CSGALNACT1: variants seen among roughly 807,000 people sequenced by gnomAD.
CSGALNACT1 encodes chondroitin sulfate N-acetylgalactosaminyltransferase 1, also known as beta4GalNAcT-1.
CSGALNACT1 carries 52 observed loss-of-function variants against 51.0 expected under a neutral mutation model. The ratio of observed to expected loss-of-function variants is 1.02; its 90% CI spans 0.82 to 1.29. The LOEUF (loss-of-function observed/expected upper bound fraction) is 1.29, where lower values mean the gene tolerates loss of function less well. Among genes scored for constraint, CSGALNACT1 ranks in the 50% most tolerant of loss-of-function variants. The probability of loss-of-function intolerance (pLI) is 0.00; values close to 1 mark genes in which losing one functional copy is unlikely to be tolerated. For synonymous variants in CSGALNACT1, 341 were observed against 254.4 expected, an observed-to-expected ratio of 1.34 and a Z score of -3.24; for missense variants, 935 against 679.2, an observed-to-expected ratio of 1.38 and a Z score of -4.19.
intron 4 of CSGALNACT1, among the ~76,000 whole-genome samples, chr8:19,487,623 G>A (rs188484127): frequency 4.6e-5 from 7 of 152,246 alleles, no homozygotes; most frequent in Non-Finnish European, 7.4e-5. Flanking sequence ...TCCAACAGCC[G>A]AAAAGCCACC....
chr8:19,656,539 A>C (rs2058288439), intron 1 of CSGALNACT1, among the ~76,000 whole-genome samples: 1 of 150,898 alleles, frequency 6.6e-6, no homozygotes, highest in South Asian at 2.1e-4. Context: ...TAAAACACAC[A>C]CGTGTACGCG....
Position 19,735,396 on chromosome 8 carries a change from A to G in CSGALNACT1, c.-297+22454T>C, listed in dbSNP as rs188739518. 8.0e-4 allele frequency among the ~76,000 whole-genome samples: 122 copies of G among 152,290 alleles called. 2 individuals are homozygous for G. The highest frequency in any genetic ancestry group is 7.2e-3 in the Admixed American group (110 of 15,298). ...TCCTCTCTGAACAAATACACTTTAAATATAGGCCTCAAAAAATTCTCACAT... is the reference window on the plus strand; with the variant it reads ...TCCTCTCTGAACAAATACACTTTAAGTATAGGCCTCAAAAAATTCTCACAT... On this transcript the variant is annotated intron_variant, in intron 1 of 1. Coordinates refer to the CSGALNACT1 transcript ENST00000517494.
rs984556395 is a variant in CSGALNACT1 at position 19,588,082 on chromosome 8, T to C, written c.-297+3078A>G. 4 of 152,080 alleles carry C rather than the reference T, an allele frequency of 2.6e-5. No individual in the cohort carries two copies. The East Asian group carries it at 7.7e-4, about 29-fold the overall frequency. 9.4% of individuals were successfully genotyped at this position (152,080 alleles called of 1,614,324 possible). A position where few individuals can be genotyped will look rare whatever the true frequency, so the allele number is the denominator to read the frequency against. On this transcript the variant is annotated intron_variant, in intron 3 of 9. Coordinates refer to ENST00000454498, the Ensembl canonical transcript of CSGALNACT1. ...GATGCATGCCTACAGTCCCAGCTAC[T>C]TGGGAGACTGAGGCAGGACAATTGC...
chr8:19,715,974 A>T, intron 1 of CSGALNACT1, among the ~76,000 whole-genome samples: 1 of 152,192 alleles, frequency 6.6e-6, no homozygotes, highest in South Asian at 2.1e-4. Flanking sequence ...TCTTTCCTGC[A>T]TATTACTTGT....
chr8:19,737,362 C>T (rs1165372893), intron 1 of CSGALNACT1, among the ~76,000 whole-genome samples: 1 of 152,002 alleles, frequency 6.6e-6, no homozygotes, highest in Non-Finnish European at 1.5e-5. Flanking sequence ...CCATTTAGTA[C>T]AATAGCAATA....
chr8:19,609,271 T>C (rs923408643), intron 1 of CSGALNACT1, among the ~76,000 whole-genome samples: 1 of 150,242 alleles, frequency 6.7e-6, no homozygotes, highest in African/African-American at 2.5e-5. Flanking sequence ...ATAGATGTCA[T>C]TTAAAAAGAT....
At chr8:19,667,931 A>G (rs1257719927) in intron 1 of CSGALNACT1, among the ~76,000 whole-genome samples, 1 of 152,238 alleles carries the variant, frequency 6.6e-6, no homozygotes, top group African/African-American at 2.4e-5. Flanking sequence ...AAGAAGAAAT[A>G]GAATTAAAGC....
intron 1 of CSGALNACT1, among the ~76,000 whole-genome samples, chr8:19,675,691 A>ACT (rs2060125285): frequency 6.6e-6 from 1 of 152,036 alleles, no homozygotes; most frequent in Admixed American, 6.6e-5. Context: ...ACAGGGTTTC[A>ACT]CTGTGTTGGC....
intron 6 of CSGALNACT1, among the ~76,000 whole-genome samples, chr8:19,425,770 C>G (rs1037664396): frequency 6.6e-6 from 1 of 152,210 alleles, no homozygotes; most frequent in East Asian, 1.9e-4. Context: ...GTTTACATAA[C>G]AGACGACTCA....
At chr8:19,677,698 C>T (rs754426780) in intron 1 of CSGALNACT1, among the ~76,000 whole-genome samples, 1 of 151,806 alleles carries the variant, frequency 6.6e-6, no homozygotes, top group Non-Finnish European at 1.5e-5. Flanking sequence ...TTTACTTCAG[C>T]GAAGTAAGAA....
chr8:19,539,096 A>C (rs2084459312), intron 3 of CSGALNACT1, among the ~76,000 whole-genome samples: 1 of 152,226 alleles, frequency 6.6e-6, no homozygotes, highest in Non-Finnish European at 1.5e-5. Flanking sequence ...TTTAACATGT[A>C]CAGCTTGATG....
intron 6 of CSGALNACT1, among the ~76,000 whole-genome samples, chr8:19,428,859 GTGTGTGTGTGTGTGTGTA>G (rs1179177556): frequency 9.3e-5 from 14 of 149,920 alleles, no homozygotes; most frequent in African/African-American, 3.5e-4. Context: ...GTGTGTGTGT[GTGTGTGTGTGTGTGTGTA>G]TGCATGCTGT....
At chr8:19,662,249 A>G (rs2058827479) in intron 1 of CSGALNACT1, among the ~76,000 whole-genome samples, 1 of 151,926 alleles carries the variant, frequency 6.6e-6, no homozygotes, top group East Asian at 1.9e-4. Context: ...CAGGCGTGGT[A>G]GTGTGCACCT....
At chr8:19,657,685 G>A (rs2058402248) in intron 1 of CSGALNACT1, among the ~76,000 whole-genome samples, 1 of 152,160 alleles carries the variant, frequency 6.6e-6, no homozygotes, top group Admixed American at 6.5e-5. Context: ...AAGAATAAGG[G>A]CAAAACAAAT....
At chr8:19,713,184 G>A (rs1223157500) in intron 1 of CSGALNACT1, among the ~76,000 whole-genome samples, 1 of 152,122 alleles carries the variant, frequency 6.6e-6, no homozygotes, top group Non-Finnish European at 1.5e-5. Flanking sequence ...AGGGTGCACA[G>A]AGCAGCTGAA....
chr8:19,744,040 G>T (rs988796080), intron 1 of CSGALNACT1, among the ~76,000 whole-genome samples: 7 of 152,128 alleles, frequency 4.6e-5, no homozygotes, highest in African/African-American at 1.7e-4. Flanking sequence ...GTAATGCCAG[G>T]CTTGCCCTGA....
At chr8:19,591,513 C>T (rs972981843) in intron 2 of CSGALNACT1, among the ~76,000 whole-genome samples, 2 of 152,138 alleles carry the variant, frequency 1.3e-5, no homozygotes, top group African/African-American at 2.4e-5. Context: ...GAAGTCCAAC[C>T]GTGTAACAAA....
chr8:19,464,916 C>A (rs893232615), intron 4 of CSGALNACT1, among the ~76,000 whole-genome samples: 1 of 152,058 alleles, frequency 6.6e-6, no homozygotes, highest in South Asian at 2.1e-4. Flanking sequence ...GCAGCCACTG[C>A]GGAATGCAGT....
At chr8:19,460,327 CTCTTT>C in intron 4 of CSGALNACT1, among the ~76,000 whole-genome samples, 1 of 152,052 alleles carries the variant, frequency 6.6e-6, no homozygotes, top group Non-Finnish European at 1.5e-5. Context: ...TATGATTATT[CTCTTT>C]TGTTATTGGT....
Sources: allele counts gnomAD v4.1 joint callset (sites outside exome capture counted in the v4.1 genomes callset), GRCh38; gene constraint gnomAD v4.1.1; transcripts MANE v1.5; gene names NCBI Gene and HGNC (gene_info 2026-07-23, HGNC 2026-07-21).